Variants in CAST observed in about 807,000 individuals in gnomAD.
CAST encodes the protein calpastatin.
CAST carries 76 observed loss-of-function variants against 119.6 expected under a neutral mutation model. The observed-to-expected ratio is 0.64, with a 90% CI of 0.53 to 0.77. The LOEUF is 0.77. CAST is among the 30% of genes least tolerant of loss of function. The pLI, the probability that CAST is intolerant of heterozygous loss-of-function variation, is 0.00. For synonymous variants in CAST, 319 were observed against 331.6 expected (o/e 0.96, Z 0.41); for missense variants, 953 against 946.5 (o/e 1.01, Z -0.09).
chr5:96,503,266 AT>A, the CAST span, among the ~76,000 whole-genome samples: 5 of 152,036 alleles, frequency 3.3e-5, no homozygotes, highest in Admixed American at 3.3e-4. Context: ...GTTTGTTTTT[AT>A]TCTTGGCTCA....
At chr5:96,654,612 A>G (rs975572717) in intron 1 of CAST, among the ~76,000 whole-genome samples, 3 of 152,226 alleles carry the variant, frequency 2.0e-5, no homozygotes, top group Non-Finnish European at 4.4e-5. Flanking sequence ...CATACACAGC[A>G]TAAGCTTTTA....
intron 1 of CAST, among the ~76,000 whole-genome samples, chr5:96,615,825 T>C (rs974157139): frequency 6.6e-6 from 1 of 152,118 alleles, no homozygotes; most frequent in South Asian, 2.1e-4. Flanking sequence ...CCAGAACTAA[T>C]AGGGTAAATA....
At chr5:96,210,206 T>G in the CAST span, 1 of 151,998 alleles carries the variant, frequency 6.6e-6, no homozygotes, top group Non-Finnish European at 1.5e-5. Context: ...AGTTTTAGTA[T>G]ATGTGCTGCC....
chr5:96,765,246 C>T lies in CAST; in HGVS notation c.1958C>T (p.Ala653Val), dbSNP rs1408799423. The T allele has an allele frequency of 3.1e-6, 5 of 1,603,730 alleles. No homozygotes were observed. The African/African-American group carries it at 5.4e-5, about 17-fold the overall frequency. The change falls in exon 26 of 32, where the codon GCC becomes GTC. Residue 653 changes from alanine to valine, a missense_variant. Ala to Val is a moderately conservative substitution (Grantham distance 64). Coordinates refer to ENST00000675179, the MANE Select transcript of CAST (RefSeq NM_001750.7). ...TSQSDKDLDDALDKLSDSLGQ... is the reference protein window; with the variant it reads ...TSQSDKDLDDVLDKLSDSLGQ... ...CAGAGTGACAAAGACCTCGATGATG[C>T]CTTGGATAAACTCTCTGACAGTCTA...
At position 96,770,836 on chromosome 5, in the gene CAST, C is replaced by T. The variant is rs118026319; in HGVS notation, c.2340+234C>T. On this transcript the variant is annotated intron_variant, in intron 30 of 31. Transcript: ENST00000675179. ...ATGTTCTTGACACAACCCAATTTGCCTGTGTTTTGCCTGTCTTTCTTGCCC... is the reference window on the plus strand; with the variant it reads ...ATGTTCTTGACACAACCCAATTTGCTTGTGTTTTGCCTGTCTTTCTTGCCC... Among the ~76,000 whole-genome samples the T allele has an allele frequency of 1.3e-3, 191 of 152,196 alleles. 4 individuals carry two copies. In the East Asian group the frequency reaches 0.027, roughly 22 times the overall value.
At position 96,740,128 on chromosome 5, in the gene CAST, A is replaced by G. The variant is rs200992534; in HGVS notation, c.879+10A>G. The G allele has an allele frequency of 3.3e-5, 40 of 1,215,216 alleles. No homozygotes were observed. The highest frequency in any genetic ancestry group is 1.1e-4 in the African/African-American group (7 of 66,374). The allele number at this position is 1,215,216 out of a possible 1,614,324, so 75.3% of individuals were successfully genotyped here. ...TAGGGAACTATTGGCTGTAAGTTAA[A>G]TAATCATTTACTTTTATTTCACTGT... On this transcript the variant is annotated intron_variant, in intron 12 of 31. Coordinates refer to ENST00000675179, the MANE Select transcript of CAST (RefSeq NM_001750.7).
At chr5:96,660,528 G>A (rs1256718609), upstream of CAST, among the ~76,000 whole-genome samples, 1 of 152,168 alleles carries the variant, frequency 6.6e-6, no homozygotes, top group Non-Finnish European at 1.5e-5. Context: ...TAAATACTCT[G>A]TTGGAAAATA....
rs1773411761 is a variant in CAST at position 96,774,078 on chromosome 5, CAAGAA to C, written c.*1470_*1474del. Reference sequence around the variant, plus strand: ...CATTATTCTATTTTTAAGGCAGCAACAAGAAAAGAAAAAACACTTTTCCTGAGGGA... The same window carrying C: ...CATTATTCTATTTTTAAGGCAGCAACAAGAAAAAACACTTTTCCTGAGGGA... On this transcript the variant is annotated 3_prime_UTR_variant, in exon 32 of 32. Transcript: ENST00000675179. 6.5e-6 allele frequency: 1 copy of C among 152,716 alleles called. No homozygotes were observed. The highest frequency in any genetic ancestry group is 2.1e-4 in the South Asian group (1 of 4,826). The allele number at this position is 152,716 out of a possible 1,614,324, so 9.5% of individuals were successfully genotyped here. A position where few individuals can be genotyped will look rare whatever the true frequency, so the allele number is the denominator to read the frequency against.
the CAST span, among the ~76,000 whole-genome samples, chr5:95,982,182 T>C: frequency 2.6e-5 from 4 of 152,016 alleles, no homozygotes; most frequent in African/African-American, 9.7e-5. Context: ...CGAACTGTAA[T>C]GCAATATCAA....
the CAST span, among the ~76,000 whole-genome samples, chr5:96,353,470 A>G: frequency 6.6e-6 from 1 of 152,194 alleles, no homozygotes. Context: ...CGCTGGTAAA[A>G]CATTGTTTCT....
chr5:96,116,523 T>C, the CAST span, among the ~76,000 whole-genome samples: 532 of 152,360 alleles, frequency 3.5e-3, 2 homozygotes, highest in African/African-American at 4.5e-3. Flanking sequence ...TACTGTGTTG[T>C]ACTCCCCAGC....
chr5:96,110,811 A>G, the CAST span: 1 of 152,340 alleles, frequency 6.6e-6, no homozygotes, highest in East Asian at 1.9e-4. Context: ...GCACAATCAG[A>G]TGAGTATAGC....
chr5:96,058,456 T>C, the CAST span, among the ~76,000 whole-genome samples: 1 of 152,130 alleles, frequency 6.6e-6, no homozygotes, highest in South Asian at 2.1e-4. Flanking sequence ...AAACCAAGGG[T>C]CCTCCTCAGT....
In CAST at chr5:96,534,689, A is replaced by AGGAGGGAC. The variant is rs200423754; in HGVS notation, c.60+4812_60+4813insGGGACGGA. ...ATCAAAGAAAGAAAGAGAGAGAGAG[A>AGGAGGGAC]GGAAGGAAGGAAGGAAGGAAGGAAG... is the stretch of plus-strand genomic sequence containing the variant. On this transcript the variant is annotated intron_variant, in intron 1 of 11. Coordinates refer to the CAST transcript ENST00000505143. Among the ~76,000 whole-genome samples, 3 of 83,608 alleles carry AGGAGGGAC rather than the reference A, an allele frequency of 3.6e-5. 1 individual carries two copies. Among genetic ancestry groups the AGGAGGGAC allele is most frequent in the East Asian group, 1.1e-3 (2 of 1,772 alleles). The allele number at this position is 83,608 out of a possible 152,430, so 54.9% of individuals were successfully genotyped here. A position where few individuals can be genotyped will look rare whatever the true frequency, so the allele number is the denominator to read the frequency against.
intron 24 of CAST, among the ~76,000 whole-genome samples, chr5:96,760,563 A>T (rs1199102070): frequency 6.6e-6 from 1 of 151,918 alleles, no homozygotes; most frequent in East Asian, 1.9e-4. Flanking sequence ...GAAAAAAATG[A>T]CAAACATTAA....
At chr5:96,342,974 A>G in the CAST span, among the ~76,000 whole-genome samples, 15 of 152,342 alleles carry the variant, frequency 9.8e-5, no homozygotes, top group Middle Eastern at 6.8e-3. Flanking sequence ...GTTATTGTGT[A>G]TGAAGAAAGG....
At chr5:96,282,066 T>TA in the CAST span, among the ~76,000 whole-genome samples, 1 of 151,372 alleles carries the variant, frequency 6.6e-6, no homozygotes, top group African/African-American at 2.4e-5. Context: ...TGACCAGACC[T>TA]AGCATGTGCT....
the CAST span, among the ~76,000 whole-genome samples, chr5:96,377,199 A>G: frequency 2.0e-4 from 31 of 152,026 alleles, no homozygotes; most frequent in East Asian, 2.9e-3. Context: ...AAAAAATTAA[A>G]TTTATAAAGT....
chr5:96,037,958 TCA>T, the CAST span, among the ~76,000 whole-genome samples: 3 of 152,176 alleles, frequency 2.0e-5, no homozygotes, highest in Non-Finnish European at 2.9e-5. Flanking sequence ...ATGACTATCT[TCA>T]GATTCATCGC....
Sources: gnomAD v4.1 joint callset for allele counts (sites outside exome capture counted in the v4.1 genomes callset) on GRCh38, gnomAD v4.1.1 for gene constraint, MANE v1.5 for transcripts, NCBI Gene and HGNC (gene_info 2026-07-23, HGNC 2026-07-21) for gene names.